The following RXFP1 variants were observed in gnomAD, a reference collection of about 807,000 sequenced individuals.
RXFP1 encodes relaxin receptor 1.
RXFP1 carries 73 observed loss-of-function variants against 89.8 expected under a neutral mutation model. The observed-to-expected ratio is 0.81, with a 90% confidence interval of 0.67 to 0.99. RXFP1 has a LOEUF of 0.99. Ranked by LOEUF, RXFP1 falls within the 50% of genes least tolerant of loss-of-function variation. The pLI, the probability that RXFP1 is intolerant of heterozygous loss-of-function variation, is 0.00. For missense variants in RXFP1, 793 were observed against 895.5 expected (o/e 0.89, Z 1.46); for synonymous variants, 277 against 305.5 (o/e 0.91, Z 0.97).
chr4:158,560,154 C>T (rs1752129271), intron 1 of RXFP1, among the ~76,000 whole-genome samples: 1 of 152,244 alleles, frequency 6.6e-6, no homozygotes, highest in South Asian at 2.1e-4. Context: ...GAGCACATCA[C>T]ATAAAGTATT....
At chr4:158,526,371 C>G (rs1319720156) in intron 1 of RXFP1, among the ~76,000 whole-genome samples, 1 of 152,224 alleles carries the variant, frequency 6.6e-6, no homozygotes, top group Non-Finnish European at 1.5e-5. Flanking sequence ...CCCAACAGCT[C>G]TATTTCCTGC....
At chr4:158,567,203 C>T (rs148802396) in intron 1 of RXFP1, among the ~76,000 whole-genome samples, 2 of 152,296 alleles carry the variant, frequency 1.3e-5, no homozygotes, top group Non-Finnish European at 2.9e-5. Flanking sequence ...TGGGCTCCTG[C>T]ACAGCCGGAG....
intron 1 of RXFP1, among the ~76,000 whole-genome samples, chr4:158,571,614 A>T (rs1755080857): frequency 6.6e-6 from 1 of 152,160 alleles, no homozygotes; most frequent in African/African-American, 2.4e-5. Context: ...GTGAGCCAAG[A>T]TTGTGCCGTG....
At chr4:158,611,490 C>A (rs1763569020) in intron 6 of RXFP1, among the ~76,000 whole-genome samples, 1 of 152,174 alleles carries the variant, frequency 6.6e-6, no homozygotes, top group Non-Finnish European at 1.5e-5. Context: ...TCCTTATAGC[C>A]CCTTCATGGT....
intron 9 of RXFP1, among the ~76,000 whole-genome samples, chr4:158,619,342 G>A (rs1406461351): frequency 6.6e-6 from 1 of 152,148 alleles, no homozygotes; most frequent in Non-Finnish European, 1.5e-5. Flanking sequence ...CCATCAGTAG[G>A]CTACAGTCAT....
Position 158,648,539 on chromosome 4 carries a change from T to C in RXFP1, c.1797T>C (p.Tyr599=), listed in dbSNP as rs775636707. Residue 599 remains tyrosine, a synonymous_variant, in exon 17 of 18, where the codon TAT becomes TAC. Transcript: ENST00000307765. ...CATTTATCATCATAGTTTTTTCCTATGGAAGCATGTTTTATAGTGTTCATC... is the reference window on the plus strand; with the variant it reads ...CATTTATCATCATAGTTTTTTCCTACGGAAGCATGTTTTATAGTGTTCATC... The part of the protein sequence containing the change: ...LAAFIIIVFS[Y]GSMFYSVHQS... 2.6e-5 allele frequency: 42 copies of C among 1,610,046 alleles called. 1 individual carries two copies. The highest frequency in any genetic ancestry group is 3.0e-5 in the Non-Finnish European group (35 of 1,178,350).
At chr4:158,555,746 T>G (rs1049915375) in intron 1 of RXFP1, among the ~76,000 whole-genome samples, 2 of 152,214 alleles carry the variant, frequency 1.3e-5, no homozygotes, top group Middle Eastern at 3.2e-3. Context: ...TTTCAAAGGA[T>G]TTCCAGAAGG....
At chr4:158,611,247 C>T (rs569036619) in intron 6 of RXFP1, among the ~76,000 whole-genome samples, 1 of 152,290 alleles carries the variant, frequency 6.6e-6, no homozygotes, top group South Asian at 2.1e-4. Flanking sequence ...AGTCAGGAAT[C>T]AAACTGTTCG....
chr4:158,562,551 A>AAAAAAAAAAAAAC (rs1752710094), intron 1 of RXFP1, among the ~76,000 whole-genome samples: 1 of 147,022 alleles, frequency 6.8e-6, no homozygotes, highest in Non-Finnish European at 1.5e-5. Flanking sequence ...AAAAAAAAAA[A>AAAAAAAAAAAAAC]TACACATATT....
chr4:158,546,783 A>G (rs567700873), intron 1 of RXFP1, among the ~76,000 whole-genome samples: 1 of 151,948 alleles, frequency 6.6e-6, no homozygotes, highest in African/African-American at 2.4e-5. Context: ...CCAGCCTTGC[A>G]TCCCAGGGAT....
chr4:158,610,137 C>T (rs566881970), intron 6 of RXFP1, among the ~76,000 whole-genome samples: 131 of 152,170 alleles, frequency 8.6e-4, no homozygotes, highest in African/African-American at 2.6e-3. Flanking sequence ...TGGTGGCACA[C>T]GCCTGTAGTC....
chr4:158,622,645 T>C (rs1216861668), intron 9 of RXFP1, among the ~76,000 whole-genome samples: 1 of 152,242 alleles, frequency 6.6e-6, no homozygotes, highest in African/African-American at 2.4e-5. Context: ...ATCTCATTTA[T>C]ACGTGGAATT....
intron 8 of RXFP1, among the ~76,000 whole-genome samples, chr4:158,616,009 C>G (rs1365960145): frequency 6.6e-6 from 1 of 152,156 alleles, no homozygotes; most frequent in African/African-American, 2.4e-5. Flanking sequence ...CACAGACACA[C>G]TAAGTGGGCA....
chr4:158,648,704 G>C lies in RXFP1; in HGVS notation c.1962G>C (p.Gln654His). Residue 654 changes from glutamine to histidine, a missense_variant, in exon 17 of 18, where the codon CAG (glutamine) becomes CAC (histidine). Physicochemically the swap from Gln to His is conservative, Grantham distance 24. Transcript: ENST00000307765. ...TAGTGAAATTTCTTTCACTGCTTCA[G>C]GTAGAAATACCAGGTACAATATTTT... ...IFVVKFLSLLQVEIPGTITSW... is the reference protein window; with the variant it reads ...IFVVKFLSLLHVEIPGTITSW... 3.8e-6 allele frequency: 6 copies of C among 1,582,746 alleles called. No homozygotes were observed. The highest frequency in any genetic ancestry group is 5.2e-6 in the Non-Finnish European group (6 of 1,157,070).
intron 8 of RXFP1, among the ~76,000 whole-genome samples, chr4:158,612,998 G>A (rs568592174): frequency 3.9e-5 from 6 of 152,296 alleles, no homozygotes; most frequent in Admixed American, 3.9e-4. Context: ...CTGTAATAAA[G>A]CAAATGTCAC....
At chr4:158,595,983 C>T (rs1760496978) in intron 3 of RXFP1, among the ~76,000 whole-genome samples, 1 of 127,208 alleles carries the variant, frequency 7.9e-6, no homozygotes, top group African/African-American at 4.3e-5. Flanking sequence ...AACCCAATCT[C>T]TCCAAAAAAA....
At chr4:158,558,414 A>C (rs1751768690) in intron 1 of RXFP1, among the ~76,000 whole-genome samples, 1 of 152,242 alleles carries the variant, frequency 6.6e-6, no homozygotes, top group Non-Finnish European at 1.5e-5. Flanking sequence ...TTCTCAGTAG[A>C]GAGTAGCCTA....
intron 9 of RXFP1, among the ~76,000 whole-genome samples, chr4:158,623,502 CAAAAAAAAAA>C (rs56692438): frequency 2.3e-5 from 1 of 42,604 alleles, no homozygotes; most frequent in African/African-American, 7.0e-5. Context: ...AACTCCATCT[CAAAAAAAAAA>C]AAAAAAAAAA....
chr4:158,582,335 A>G (rs781476931), intron 2 of RXFP1, among the ~76,000 whole-genome samples: 1 of 151,960 alleles, frequency 6.6e-6, no homozygotes, highest in African/African-American at 2.4e-5. Context: ...GGTCTGATTC[A>G]TTTCCCTTCA....
Sources: allele counts gnomAD v4.1 joint callset (sites outside exome capture counted in the v4.1 genomes callset), GRCh38; gene constraint gnomAD v4.1.1; transcripts MANE v1.5; gene names NCBI Gene and HGNC (gene_info 2026-07-23, HGNC 2026-07-21).